Variants in AQP9 observed in about 807,000 individuals in gnomAD.
AQP9 encodes the protein aquaporin-9.
AQP9 carries 19 observed loss-of-function variants against 23.8 expected under a neutral mutation model. That is an observed-to-expected ratio of 0.80 (90% CI 0.56 to 1.17). AQP9 has a LOEUF of 1.17. AQP9 is among the 50% of genes most tolerant of loss of function. The probability of loss-of-function intolerance (pLI) is 0.00; values close to 1 mark genes in which losing one functional copy is unlikely to be tolerated. For synonymous variants in AQP9, 153 were observed against 131.5 expected, an observed-to-expected ratio of 1.16 and a Z score of -1.12; for missense variants, 413 against 362.0, an observed-to-expected ratio of 1.14 and a Z score of -1.14.
Position 58,138,393 on chromosome 15 carries a change from G to T in AQP9, c.-173G>T. 4 of 542,614 alleles carry T rather than the reference G, an allele frequency of 7.4e-6. No homozygotes were observed. The highest frequency in any genetic ancestry group is 1.3e-5 in the Non-Finnish European group (4 of 301,214). The allele number at this position is 542,614 out of a possible 1,614,324, so 33.6% of individuals were successfully genotyped here. A position where few individuals can be genotyped will look rare whatever the true frequency, so the allele number is the denominator to read the frequency against. ...GGGAATGACAGTTCCACCAGAAGAC[G>T]ATTAAGCCACAGCCTCTAATTGGAA... is the stretch of plus-strand genomic sequence containing the variant. On this transcript the variant is annotated 5_prime_UTR_variant, in exon 1 of 6. Coordinates refer to ENST00000219919, the MANE Select transcript of AQP9 (RefSeq NM_020980.5).
chr15:58,161,510 T>C (rs1187867219), intron 1 of AQP9, among the ~76,000 whole-genome samples: 1 of 152,250 alleles, frequency 6.6e-6, no homozygotes, highest in East Asian at 1.9e-4. Context: ...TCAAAACAAC[T>C]TGAAGATCTT....
At chr15:58,139,809 A>C (rs937597060) in intron 1 of AQP9, among the ~76,000 whole-genome samples, 1 of 152,198 alleles carries the variant, frequency 6.6e-6, no homozygotes, top group African/African-American at 2.4e-5. Flanking sequence ...CAGTATTTTC[A>C]GGGAGTTACG....
intron 3 of AQP9, 71 bp downstream of exon 3, chr15:58,173,276 G>T: frequency 2.5e-6 from 4 of 1,592,864 alleles, no homozygotes; most frequent in Non-Finnish European, 3.4e-6. Context: ...TTACTTGGTA[G>T]GCACAGGCGA....
chr15:58,163,908 A>G (rs1451612318), intron 1 of AQP9: 1 of 152,296 alleles, frequency 6.6e-6, no homozygotes, highest in Non-Finnish European at 1.5e-5. Context: ...CTCTGAATAC[A>G]GGCAAGAGGA....
intron 2 of AQP9, among the ~76,000 whole-genome samples, chr15:58,169,691 CA>C (rs1898579479): frequency 6.6e-6 from 1 of 152,200 alleles, no homozygotes; most frequent in Non-Finnish European, 1.5e-5. Context: ...AAATATAAAA[CA>C]TCACCTTATT....
intron 2 of AQP9, among the ~76,000 whole-genome samples, chr15:58,172,779 T>TA (rs1237401252): frequency 3.9e-5 from 6 of 152,278 alleles, no homozygotes; most frequent in East Asian, 1.9e-4. Flanking sequence ...TCAAGCCTAT[T>TA]AAAAAAACAG....
chr15:58,184,340 C>A lies in AQP9; in HGVS notation c.*205C>A, dbSNP rs937990409. On this transcript the variant is annotated 3_prime_UTR_variant, in exon 6 of 6. Transcript: ENST00000219919. Reference sequence around the variant, plus strand: ...ACCATTGTCCCCCACCCCCACCCCCCAGAATAACGCTGACTGTCCCCTGAA... The same window carrying A: ...ACCATTGTCCCCCACCCCCACCCCCAAGAATAACGCTGACTGTCCCCTGAA... 31 of 531,040 alleles carry A rather than the reference C, an allele frequency of 5.8e-5. No individual in the cohort carries two copies. In the East Asian group the frequency reaches 9.5e-4, roughly 16 times the overall value. 32.9% of individuals were successfully genotyped at this position (531,040 alleles called of 1,614,324 possible). A position where few individuals can be genotyped will look rare whatever the true frequency, so the allele number is the denominator to read the frequency against.
At chr15:58,138,924 C>G (rs931870115) in intron 1 of AQP9, 10 of 396,592 alleles carry the variant, frequency 2.5e-5, no homozygotes, top group Non-Finnish European at 3.2e-5. Context: ...AGTGAAGTGC[C>G]TTCTTTATTT....
At chr15:58,155,486 A>C (rs533967485) in intron 1 of AQP9, 101 of 152,298 alleles carry the variant, frequency 6.6e-4, no homozygotes, top group African/African-American at 2.3e-3. Flanking sequence ...AGCCACCCTT[A>C]CACGATTTTT....
intron 1 of AQP9, among the ~76,000 whole-genome samples, chr15:58,156,539 C>T (rs554693293): frequency 6.6e-6 from 1 of 152,280 alleles, no homozygotes; most frequent in South Asian, 2.1e-4. Context: ...TAGCGCATTT[C>T]AGTCAAGAAA....
In AQP9 at chr15:58,164,668, C is replaced by G. The variant is rs139669010; in HGVS notation, c.112-2005C>G. 6.6e-5 allele frequency among the ~76,000 whole-genome samples: 10 copies of G among 152,206 alleles called. No individual in the cohort carries two copies. In the East Asian group the frequency reaches 1.9e-3, roughly 29 times the overall value. Reference sequence around the variant, plus strand: ...AACATTCAGCGTAGGGTACAAAGCTCTCCACCTTTTCTCTGCTTGCTAAGA... The same window carrying G: ...AACATTCAGCGTAGGGTACAAAGCTGTCCACCTTTTCTCTGCTTGCTAAGA... On this transcript the variant is annotated intron_variant, in intron 1 of 5. Coordinates refer to ENST00000219919, the MANE Select transcript of AQP9 (RefSeq NM_020980.5).
intron 5 of AQP9, among the ~76,000 whole-genome samples, chr15:58,180,281 T>C (rs1356269202): frequency 6.6e-6 from 1 of 152,196 alleles, no homozygotes; most frequent in Non-Finnish European, 1.5e-5. Context: ...TCTACTTTAA[T>C]GTTTCCTGTG....
In AQP9 at chr15:58,174,985, T is replaced by G; in HGVS notation, c.444T>G (p.Phe148Leu). 9 of 1,614,224 alleles carry G rather than the reference T, an allele frequency of 5.6e-6. No individual in the cohort carries two copies. Among genetic ancestry groups the G allele is most frequent in the Non-Finnish European group, 7.6e-6 (9 of 1,180,010 alleles). ...GAGAAAATGCAACAGCACACATTTT[T>G]GCAACATACCCAGCTCCGTATCTAT... is the stretch of plus-strand genomic sequence containing the variant. ...IVGENATAHIFATYPAPYLSL... is the reference protein window; with the variant it reads ...IVGENATAHILATYPAPYLSL... The change falls in exon 4 of 6, where the codon TTT (phenylalanine) becomes TTG (leucine). Residue 148 changes from phenylalanine to leucine, a missense_variant. Coordinates refer to ENST00000219919, the MANE Select transcript of AQP9 (RefSeq NM_020980.5).
intron 3 of AQP9, among the ~76,000 whole-genome samples, chr15:58,173,759 C>A (rs1027518402): frequency 6.6e-6 from 1 of 152,188 alleles, no homozygotes; most frequent in Non-Finnish European, 1.5e-5. Flanking sequence ...ACCTGTGCAA[C>A]TTAAATAAGT....
chr15:58,159,398 G>T (rs114248410), intron 1 of AQP9, among the ~76,000 whole-genome samples: 6 of 151,936 alleles, frequency 3.9e-5, no homozygotes, highest in Non-Finnish European at 8.8e-5. Context: ...CATAACAGAT[G>T]TACATATTTT....
chr15:58,172,007 G>T (rs1184729142), intron 2 of AQP9, among the ~76,000 whole-genome samples: 1 of 152,188 alleles, frequency 6.6e-6, no homozygotes, highest in Non-Finnish European at 1.5e-5. Flanking sequence ...TAGGAAGTGA[G>T]CCTATATGCT....
intron 5 of AQP9, among the ~76,000 whole-genome samples, chr15:58,182,740 G>A (rs1168441075): frequency 1.3e-5 from 2 of 152,136 alleles, no homozygotes; most frequent in Non-Finnish European, 2.9e-5. Flanking sequence ...AGTGACATCT[G>A]GTGGCTGCCA....
At chr15:58,179,466 CT>C in intron 5 of AQP9, 121 bp downstream of exon 5, 1 of 806,798 alleles carries the variant, frequency 1.2e-6, no homozygotes, top group Non-Finnish European at 2.0e-6. Context: ...ACTGCACACT[CT>C]GGTCATAAGC....
Position 58,179,268 on chromosome 15 carries a change from C to A in AQP9, c.636C>A (p.Gly212=). ...CTTCCTCCCTGGGACTGAACAGTGG[C>A]TGTGCCATGAACCCAGCTCGAGACC... The part of the protein sequence containing the change: ...VIASSLGLNS[G]CAMNPARDLS... The change falls in exon 5 of 6, where the codon GGC becomes GGA. Residue 212 remains glycine (G), a synonymous_variant. Coordinates refer to ENST00000219919, the MANE Select transcript of AQP9 (RefSeq NM_020980.5). 1 of 1,614,170 alleles carries A rather than the reference C, an allele frequency of 6.2e-7. No homozygotes were observed. Among genetic ancestry groups the A allele is most frequent in the Non-Finnish European group, 8.5e-7 (1 of 1,180,012 alleles).
Sources: gnomAD v4.1 joint callset for allele counts (sites outside exome capture counted in the v4.1 genomes callset) on GRCh38, gnomAD v4.1.1 for gene constraint, MANE v1.5 for transcripts, NCBI Gene and HGNC (gene_info 2026-07-23, HGNC 2026-07-21) for gene names.